ASB3: variants seen among roughly 807,000 people sequenced by gnomAD.
ASB3 encodes the protein ankyrin repeat and SOCS box containing 3, also known as ankyrin repeat and SOCS box protein 3.
ASB3 carries 41 observed loss-of-function variants against 54.5 expected under a neutral mutation model. That is an observed-to-expected ratio of 0.75 (90% CI 0.59 to 0.98). ASB3 has a LOEUF of 0.98. ASB3 is among the 50% of genes least tolerant of loss of function. The pLI is 0.00. For synonymous variants in ASB3, 266 were observed against 221.2 expected (o/e 1.20, Z -1.80); for missense variants, 733 against 620.0 (o/e 1.18, Z -1.94).
At chr2:53,695,957 A>G (rs1368387396) in intron 8 of ASB3, among the ~76,000 whole-genome samples, 1 of 152,214 alleles carries the variant, frequency 6.6e-6, no homozygotes, top group African/African-American at 2.4e-5. Flanking sequence ...TGTGATATAA[A>G]TAACAATCAA....
chr2:53,689,810 T>G (rs1003545166), intron 9 of ASB3, among the ~76,000 whole-genome samples: 5 of 152,210 alleles, frequency 3.3e-5, no homozygotes, highest in Non-Finnish European at 7.3e-5. Flanking sequence ...ATTTTTCTTT[T>G]GCTTCTACTT....
rs199571236 is a variant in ASB3 at position 53,707,961 on chromosome 2, C to CAA, written c.980+6421_980+6422dup. Among the ~76,000 whole-genome samples the CAA allele has an allele frequency of 5.1e-3, 580 of 113,794 alleles. 4 individuals are homozygous for CAA. Among genetic ancestry groups the CAA allele is most frequent in the African/African-American group, 0.016 (497 of 31,590 alleles). 74.7% of individuals were successfully genotyped at this position (113,794 alleles called of 152,430 possible). A position where few individuals can be genotyped will look rare whatever the true frequency, so the allele number is the denominator to read the frequency against. ...TGGGTGATAGAGTCAGACTCTGTCT[C>CAA]AAAAAAAAAAAAAAAAGAAAGAAAG... is the stretch of plus-strand genomic sequence containing the variant. On this transcript the variant is annotated intron_variant, in intron 7 of 9. Coordinates refer to ENST00000263634, the MANE Select transcript of ASB3 (RefSeq NM_016115.5).
chr2:53,775,802 T>C (rs1674301998), intron 1 of ASB3, among the ~76,000 whole-genome samples: 1 of 152,200 alleles, frequency 6.6e-6, no homozygotes, highest in Non-Finnish European at 1.5e-5. Context: ...TACAAATTTA[T>C]GGGCTACAAG....
intron 9 of ASB3, among the ~76,000 whole-genome samples, chr2:53,678,043 G>C (rs1161450765): frequency 6.6e-6 from 1 of 151,898 alleles, no homozygotes; most frequent in African/African-American, 2.4e-5. Context: ...ACAATGTGAT[G>C]TTTTGTATGC....
chr2:53,740,609 C>G (rs1428535836), intron 3 of ASB3, among the ~76,000 whole-genome samples: 1 of 152,184 alleles, frequency 6.6e-6, no homozygotes, highest in East Asian at 1.9e-4. Context: ...TTCTTCATGT[C>G]TGCCCAGTGG....
intron 1 of ASB3, chr2:53,772,077 GT>G (rs954986506): frequency 5.0e-5 from 29 of 578,840 alleles, no homozygotes; most frequent in East Asian, 9.7e-5. Context: ...GTATTTGTGG[GT>G]TTTTTTTGTG....
chr2:53,686,181 A>G (rs1011562431), intron 9 of ASB3, among the ~76,000 whole-genome samples: 1 of 152,200 alleles, frequency 6.6e-6, no homozygotes, highest in Non-Finnish European at 1.5e-5. Flanking sequence ...CCAACAGGAA[A>G]CTTGGGCAAA....
intron 5 of ASB3, among the ~76,000 whole-genome samples, chr2:53,727,669 T>C (rs565480387): frequency 1.3e-5 from 2 of 152,224 alleles, no homozygotes; most frequent in South Asian, 4.1e-4. Flanking sequence ...AAACAAACTT[T>C]GTATGATCTA....
At chr2:53,699,237 T>C (rs1669350380) in intron 8 of ASB3, among the ~76,000 whole-genome samples, 1 of 152,224 alleles carries the variant, frequency 6.6e-6, no homozygotes, top group Admixed American at 6.5e-5. Context: ...GATGATCTTA[T>C]CTAATCCTAA....
At chr2:53,705,034 T>C (rs1486312584) in intron 7 of ASB3, among the ~76,000 whole-genome samples, 1 of 152,216 alleles carries the variant, frequency 6.6e-6, no homozygotes, top group African/African-American at 2.4e-5. Context: ...AACCTTGATA[T>C]TTTTGACAAA....
At chr2:53,771,789 T>A in intron 1 of ASB3, 1 of 708,886 alleles carries the variant, frequency 1.4e-6, no homozygotes, top group Non-Finnish European at 2.5e-6. Context: ...GCTTAAGAAA[T>A]AGTGCTTCTT....
intron 7 of ASB3, among the ~76,000 whole-genome samples, chr2:53,712,980 G>A (rs747244300): frequency 6.6e-6 from 1 of 152,150 alleles, no homozygotes. Flanking sequence ...AATCATGAAA[G>A]TTATACATAA....
intron 7 of ASB3, among the ~76,000 whole-genome samples, chr2:53,702,753 T>G (rs1039892045): frequency 3.9e-5 from 6 of 152,190 alleles, no homozygotes; most frequent in Non-Finnish European, 8.8e-5. Flanking sequence ...AGAAAAACAG[T>G]GCTCACACAT....
chr2:53,692,023 T>C (rs997451210), intron 9 of ASB3, among the ~76,000 whole-genome samples: 26 of 152,198 alleles, frequency 1.7e-4, no homozygotes, highest in African/African-American at 6.0e-4. Context: ...GATAATTCTT[T>C]AGTGTAGGAG....
chr2:53,771,826 A>G (rs1673934023), intron 1 of ASB3: 2 of 775,280 alleles, frequency 2.6e-6, no homozygotes, highest in South Asian at 1.5e-5. Context: ...CAAATATTCC[A>G]TGTCAAAAAT....
chr2:53,679,027 C>A (rs1027672860), intron 9 of ASB3, among the ~76,000 whole-genome samples: 3 of 152,040 alleles, frequency 2.0e-5, no homozygotes, highest in African/African-American at 7.2e-5. Context: ...CAGGTCCCAA[C>A]TCCTCCCCTA....
At chr2:53,777,690 T>C (rs111568662) in intron 1 of ASB3, among the ~76,000 whole-genome samples, 1 of 152,204 alleles carries the variant, frequency 6.6e-6, no homozygotes, top group African/African-American at 2.4e-5. Context: ...GAACAATACT[T>C]AGTCCAGGAG....
chr2:53,713,025 A>G (rs1362012277), intron 7 of ASB3, among the ~76,000 whole-genome samples: 1 of 152,164 alleles, frequency 6.6e-6, no homozygotes, highest in Non-Finnish European at 1.5e-5. Context: ...ACCAAAACCC[A>G]AATATTCAAA....
intron 2 of ASB3, among the ~76,000 whole-genome samples, chr2:53,756,573 A>G (rs1374256158): frequency 1.3e-5 from 2 of 152,168 alleles, no homozygotes; most frequent in African/African-American, 4.8e-5. Flanking sequence ...AATAAACAAG[A>G]CTTGCCCTCA....
Sources: gnomAD v4.1 joint callset for allele counts (sites outside exome capture counted in the v4.1 genomes callset) on GRCh38, gnomAD v4.1.1 for gene constraint, MANE v1.5 for transcripts, NCBI Gene and HGNC (gene_info 2026-07-23, HGNC 2026-07-21) for gene names.